The following CIT variants were observed in gnomAD, a reference collection of about 807,000 sequenced individuals.
The protein encoded by CIT is citron rho-interacting serine/threonine kinase.
Under a neutral mutation model 272.7 loss-of-function variants are expected in CIT, and 79 were observed. The observed-to-expected ratio is 0.29, with a 90% confidence interval of 0.24 to 0.35. CIT has a LOEUF of 0.35. CIT is among the 10% of genes least tolerant of loss of function. The pLI is 1.00. For synonymous variants in CIT, 948 were observed against 995.6 expected, an observed-to-expected ratio of 0.95 and a Z score of 0.90; for missense variants, 1,909 against 2,618.3, an observed-to-expected ratio of 0.73 and a Z score of 5.91.
Position 119,718,031 on chromosome 12 carries a change from G to T in CIT, c.4168+214C>A, listed in dbSNP as rs1317008518. Among the ~76,000 whole-genome samples, 18 of 151,254 alleles carry T rather than the reference G, an allele frequency of 1.2e-4. No individual in the cohort carries two copies. The highest frequency in any genetic ancestry group is 1.2e-3 in the Admixed American group (18 of 15,182). The stretch of plus-strand genomic sequence containing the variant: ...AATTTTGCATTTTTAGTAGAGACGG[G>T]GTTTCTCCATGTTGGTCAGGCTGGT... On this transcript the variant is annotated intron_variant, in intron 32 of 47. Coordinates refer to ENST00000392521, the MANE Select transcript of CIT (RefSeq NM_001206999.2). The surrounding 1 kb of genome is among the most constrained non-coding windows in gnomAD (Gnocchi z 4.8).
rs995701677 is a variant in CIT at position 119,685,916 on chromosome 12, A to C, written c.*2316T>G. The C allele has an allele frequency of 6.6e-6, 1 of 152,578 alleles. No individual in the cohort carries two copies. The highest frequency in any genetic ancestry group is 1.5e-5 in the Non-Finnish European group (1 of 68,042). 9.5% of individuals were successfully genotyped at this position (152,578 alleles called of 1,614,324 possible). On this transcript the variant is annotated 3_prime_UTR_variant, in exon 48 of 48. Coordinates refer to ENST00000392521, the MANE Select transcript of CIT (RefSeq NM_001206999.2). ...TGAATAAAAAAGGTAATGAAGAAAAAGCCTGTACTTTTGGAGACCTAGAAT... is the reference window on the plus strand; with the variant it reads ...TGAATAAAAAAGGTAATGAAGAAAACGCCTGTACTTTTGGAGACCTAGAAT...
At chr12:119,839,873 G>A (rs1247091153) in intron 5 of CIT, among the ~76,000 whole-genome samples, 4 of 152,186 alleles carry the variant, frequency 2.6e-5, no homozygotes, top group African/African-American at 7.2e-5. Flanking sequence ...GAAAGAGCAA[G>A]GACAGGGATT....
chr12:119,873,750 T>A (rs1240715459), intron 2 of CIT, among the ~76,000 whole-genome samples: 1 of 146,204 alleles, frequency 6.8e-6, no homozygotes, highest in Non-Finnish European at 1.5e-5. Context: ...TCCACTCTCA[T>A]CTGTTTAAAC....
chr12:119,704,413 C>T lies in CIT; in HGVS notation c.5254G>A (p.Val1752Ile). 6.2e-7 allele frequency: 1 copy of T among 1,613,956 alleles called. No individual in the cohort carries two copies. The change falls in exon 41 of 48, where the codon GTC (valine) becomes ATC (isoleucine). Residue 1752 changes from valine (V) to isoleucine (I), a missense_variant. Physicochemically the swap from Val to Ile is conservative, Grantham distance 29. Coordinates refer to ENST00000392521, the MANE Select transcript of CIT (RefSeq NM_001206999.2). ...LCICAAMPSK[V>I]VILRYNENLS... ...TTTTCGTTGTAGCGGAGAATGACGA[C>T]TTTGCTGGGCATGGCTGCACAGATG...
chr12:119,720,640 AGTTG>A, intron 29 of CIT, 55 bp from the exon 30 acceptor site: 1 of 1,329,720 alleles, frequency 7.5e-7, no homozygotes, highest in Non-Finnish European at 1.0e-6. Flanking sequence ...ATACTTTTAA[AGTTG>A]GTACTTTAAG....
At chr12:119,702,789 TACA>T (rs958825634) in intron 41 of CIT, among the ~76,000 whole-genome samples, 6 of 151,664 alleles carry the variant, frequency 4.0e-5, no homozygotes, top group Admixed American at 6.6e-5. Context: ...ACAGGAAAAA[TACA>T]ACAACTATTA....
intron 23 of CIT, among the ~76,000 whole-genome samples, chr12:119,745,916 T>C (rs1298483908): frequency 1.3e-5 from 2 of 152,252 alleles, no homozygotes; most frequent in African/African-American, 4.8e-5. Context: ...AACTAGCCTA[T>C]ATTCTATGGA....
At chr12:119,745,738 T>C (rs564336981) in intron 23 of CIT, among the ~76,000 whole-genome samples, 1 of 152,296 alleles carries the variant, frequency 6.6e-6, no homozygotes, top group Admixed American at 6.5e-5. Context: ...ATTTGATCAT[T>C]ACACATTGTA....
At chr12:119,688,740 C>T (rs935592943) in intron 47 of CIT, among the ~76,000 whole-genome samples, 2 of 152,214 alleles carry the variant, frequency 1.3e-5, no homozygotes, top group East Asian at 1.9e-4. Context: ...TCTCCTCGAT[C>T]GCAAACCTAA....
intron 3 of CIT, among the ~76,000 whole-genome samples, chr12:119,866,282 G>C (rs1023829552): frequency 6.6e-6 from 1 of 152,128 alleles, no homozygotes; most frequent in Non-Finnish European, 1.5e-5. Context: ...GGTGGAATTT[G>C]AGCAGCCCCA....
At chr12:119,757,721 G>A (rs1961198432) in intron 21 of CIT, among the ~76,000 whole-genome samples, 176 bp from the exon 22 acceptor site, 1 of 152,150 alleles carries the variant, frequency 6.6e-6, no homozygotes, top group Admixed American at 6.5e-5. Flanking sequence ...CCGGCATGAC[G>A]AACGTGGGGA....
intron 26 of CIT, among the ~76,000 whole-genome samples, chr12:119,731,262 G>A (rs968742346): frequency 6.6e-6 from 1 of 152,076 alleles, no homozygotes; most frequent in Non-Finnish European, 1.5e-5. Context: ...ATCACCTGAG[G>A]TCAAGAGTTC....
At chr12:119,734,127 C>T in intron 26 of CIT, 37 bp downstream of exon 26, 2 of 1,603,730 alleles carry the variant, frequency 1.2e-6, no homozygotes, top group South Asian at 1.1e-5. Flanking sequence ...CTCCTGCGGT[C>T]ACCTGTCATG....
intron 7 of CIT, among the ~76,000 whole-genome samples, chr12:119,827,363 T>C (rs1968256734): frequency 6.6e-6 from 1 of 152,132 alleles, no homozygotes; most frequent in South Asian, 2.1e-4. Flanking sequence ...TTAATATGTA[T>C]GTAAATGTTA....
At chr12:119,815,079 C>G (rs199744625) in intron 9 of CIT, among the ~76,000 whole-genome samples, 9 of 128,968 alleles carry the variant, frequency 7.0e-5, no homozygotes, top group East Asian at 4.8e-4. Context: ...TATGTGCGTG[C>G]TCACATACCA....
chr12:119,731,423 C>T lies in CIT; in HGVS notation c.3351-793G>A, dbSNP rs185364660. 2.0e-3 allele frequency among the ~76,000 whole-genome samples: 287 copies of T among 144,170 alleles called. 1 individual carries two copies. The highest frequency in any genetic ancestry group is 6.6e-3 in the African/African-American group (245 of 36,854). The allele number at this position is 144,170 out of a possible 152,430, so 94.6% of individuals were successfully genotyped here. A position where few individuals can be genotyped will look rare whatever the true frequency, so the allele number is the denominator to read the frequency against. ...CTCGGGAGGCAGAGTTGCAGTGAGC[C>T]GAGATGGCACCACTGCACTCCAGCC... On this transcript the variant is annotated intron_variant, in intron 26 of 47. Transcript: ENST00000392521.
intron 2 of CIT, 97 bp from the exon 3 acceptor site, chr12:119,869,298 TA>T: frequency 8.2e-7 from 1 of 1,213,934 alleles, no homozygotes. Context: ...CCAACTCAAC[TA>T]ACTGCTCACG....
intron 24 of CIT, among the ~76,000 whole-genome samples, chr12:119,735,632 A>G (rs1265733323): frequency 6.6e-6 from 1 of 152,230 alleles, no homozygotes; most frequent in Non-Finnish European, 1.5e-5. Context: ...CACTGCATGA[A>G]ACGGATGACT....
intron 47 of CIT, among the ~76,000 whole-genome samples, chr12:119,688,995 T>TA (rs1372952538): frequency 8.2e-5 from 9 of 109,212 alleles, no homozygotes; most frequent in African/African-American, 2.5e-4. Flanking sequence ...ATTATGTCTC[T>TA]AAAAAAAATA....
Sources: allele counts gnomAD v4.1 joint callset (sites outside exome capture counted in the v4.1 genomes callset), GRCh38; gene constraint gnomAD v4.1.1; non-coding constraint Gnocchi (gnomAD v3.1); transcripts MANE v1.5; gene names NCBI Gene and HGNC (gene_info 2026-07-23, HGNC 2026-07-21).